Variants in SDK1 observed in about 807,000 individuals in gnomAD.
SDK1 encodes the protein sidekick cell adhesion molecule 1.
In SDK1, 157 loss-of-function variants were observed where a neutral mutation model predicts 245.5. That is an observed-to-expected ratio of 0.64 (90% CI 0.56 to 0.73). SDK1 has a LOEUF of 0.73. Ranked by LOEUF, SDK1 falls within the 30% of genes least tolerant of loss-of-function variation. The pLI is 0.00. For synonymous variants in SDK1, 1,647 were observed against 1,278.5 expected, an observed-to-expected ratio of 1.29 and a Z score of -6.15; for missense variants, 3,583 against 3,002.3, an observed-to-expected ratio of 1.19 and a Z score of -4.52.
chr7:4,035,984 T>G (rs1170488232), intron 17 of SDK1, among the ~76,000 whole-genome samples: 1 of 152,224 alleles, frequency 6.6e-6, no homozygotes, highest in Non-Finnish European at 1.5e-5. Flanking sequence ...GTATGAAACT[T>G]CCAAGTCAAA....
At chr7:3,933,542 A>T (rs1780054682) in intron 5 of SDK1, among the ~76,000 whole-genome samples, 1 of 152,150 alleles carries the variant, frequency 6.6e-6, no homozygotes, top group Non-Finnish European at 1.5e-5. Context: ...GTAGTCTGTC[A>T]CTTGATGTTG....
At chr7:3,940,441 C>T (rs1343772405) in intron 5 of SDK1, among the ~76,000 whole-genome samples, 1 of 152,200 alleles carries the variant, frequency 6.6e-6, no homozygotes, top group African/African-American at 2.4e-5. Flanking sequence ...AATGCCTGTT[C>T]GTTTGGAAAA....
chr7:3,832,115 C>T (rs1562477170), intron 5 of SDK1, among the ~76,000 whole-genome samples: 1 of 152,036 alleles, frequency 6.6e-6, no homozygotes, highest in Non-Finnish European at 1.5e-5. Context: ...AAACAAGAGG[C>T]CATAAGGTCA....
chr7:3,822,785 A>G (rs1163378206), intron 5 of SDK1, among the ~76,000 whole-genome samples: 1 of 152,030 alleles, frequency 6.6e-6, no homozygotes, highest in East Asian at 1.9e-4. Context: ...AAAAAAAAAA[A>G]AAAGAAAAGT....
chr7:3,330,456 A>G (rs747387319), intron 1 of SDK1, among the ~76,000 whole-genome samples: 10 of 152,116 alleles, frequency 6.6e-5, no homozygotes, highest in Non-Finnish European at 1.3e-4. Flanking sequence ...GGTAATTAGG[A>G]TTAGATAAAG....
At chr7:3,523,403 A>G (rs1783009716) in intron 1 of SDK1, among the ~76,000 whole-genome samples, 1 of 152,256 alleles carries the variant, frequency 6.6e-6, no homozygotes, top group South Asian at 2.1e-4. Flanking sequence ...GTAGTCTACC[A>G]CGGGTCCAGC....
chr7:3,629,434 A>T (rs575374748), intron 2 of SDK1, among the ~76,000 whole-genome samples: 1 of 152,204 alleles, frequency 6.6e-6, no homozygotes, highest in African/African-American at 2.4e-5. Context: ...AAACTACCCC[A>T]GGCAAGGGAA....
chr7:3,684,932 C>A (rs1784231104), intron 4 of SDK1, among the ~76,000 whole-genome samples: 1 of 152,018 alleles, frequency 6.6e-6, no homozygotes, highest in Non-Finnish European at 1.5e-5. Flanking sequence ...AGAATGTAGC[C>A]AATCTGAACA....
At chr7:3,604,039 A>T (rs1282964457) in intron 1 of SDK1, among the ~76,000 whole-genome samples, 1 of 152,148 alleles carries the variant, frequency 6.6e-6, no homozygotes, top group Non-Finnish European at 1.5e-5. Context: ...AGCCCACTTG[A>T]TCATGGTGGA....
At chr7:3,476,709 T>C (rs1781357196) in intron 1 of SDK1, among the ~76,000 whole-genome samples, 1 of 152,194 alleles carries the variant, frequency 6.6e-6, no homozygotes, top group Non-Finnish European at 1.5e-5. Flanking sequence ...CAACCTCGAA[T>C]TTTTTCCTCT....
At chr7:3,327,712 C>G (rs1281342728) in intron 1 of SDK1, among the ~76,000 whole-genome samples, 2 of 152,034 alleles carry the variant, frequency 1.3e-5, no homozygotes, top group Admixed American at 1.3e-4. Flanking sequence ...CAAAACTTGA[C>G]CTGAATGACT....
chr7:3,315,671 A>C (rs1481459707), intron 1 of SDK1, among the ~76,000 whole-genome samples: 1 of 152,196 alleles, frequency 6.6e-6, no homozygotes, highest in Non-Finnish European at 1.5e-5. Flanking sequence ...TGAATGTTCT[A>C]AGTTTTCAAA....
chr7:3,657,179 C>A (rs1783212958), intron 4 of SDK1, among the ~76,000 whole-genome samples: 1 of 152,100 alleles, frequency 6.6e-6, no homozygotes, highest in African/African-American at 2.4e-5. Context: ...GTGTGTGTCC[C>A]ACCCAGGGCA....
rs566402281 is a variant in SDK1, at chr7:3,869,280, C to T, written c.847+47697C>T. 1.4e-3 allele frequency among the ~76,000 whole-genome samples: 219 copies of T among 151,786 alleles called. 1 individual carries two copies. The highest frequency in any genetic ancestry group is 2.5e-3 in the Non-Finnish European group (169 of 67,942). ...AAGCGATTCTCCTGCCTCAGCCTTC[C>T]GGGTAGATGGGATTACAGGCGTCCA... On this transcript the variant is annotated intron_variant, in intron 5 of 44. Transcript: ENST00000404826.
intron 1 of SDK1, among the ~76,000 whole-genome samples, chr7:3,421,176 A>T (rs769248909): frequency 1.4e-4 from 20 of 146,498 alleles, no homozygotes; most frequent in Non-Finnish European, 3.0e-4. Flanking sequence ...GGTTCAAGTG[A>T]TTCTCCTGCC....
intron 19 of SDK1, among the ~76,000 whole-genome samples, chr7:4,061,710 T>C (rs28839269): frequency 0.23 from 35,037 of 151,848 alleles, 5,709 homozygotes; most frequent in African/African-American, 0.47. Context: ...CTATTCACAA[T>C]AGCAAAGACT....
At chr7:3,481,523 A>C (rs1253564565) in intron 1 of SDK1, among the ~76,000 whole-genome samples, 1 of 152,264 alleles carries the variant, frequency 6.6e-6, no homozygotes, top group Non-Finnish European at 1.5e-5. Context: ...GTGGCTACCA[A>C]CTGGGTCCAG....
chr7:4,205,819 A>C (rs1187324667), intron 35 of SDK1, 60 bp from the exon 36 acceptor site: 5 of 1,358,268 alleles, frequency 3.7e-6, no homozygotes, highest in Non-Finnish European at 5.1e-6. Flanking sequence ...CATGTGGGCG[A>C]GGGTCCGGGC....
intron 5 of SDK1, among the ~76,000 whole-genome samples, chr7:3,881,857 T>C (rs187191389): frequency 5.9e-5 from 9 of 152,310 alleles, no homozygotes; most frequent in Admixed American, 2.6e-4. Context: ...ACAGCTTCCC[T>C]TCACATTGAG....
Sources: allele counts gnomAD v4.1 joint callset (sites outside exome capture counted in the v4.1 genomes callset), GRCh38; gene constraint gnomAD v4.1.1; transcripts MANE v1.5; gene names NCBI Gene and HGNC (gene_info 2026-07-23, HGNC 2026-07-21).